ZNF277: variants seen among roughly 807,000 people sequenced by gnomAD.
ZNF277 encodes the protein zinc finger protein 277, also known as nuclear receptor-interacting factor 4.
In ZNF277, 55 loss-of-function variants were observed where a neutral mutation model predicts 60.7. The ratio of observed to expected loss-of-function variants is 0.91; its 90% confidence interval spans 0.73 to 1.13. ZNF277 has a LOEUF of 1.13. Ranked by LOEUF, ZNF277 falls within the 50% of genes most tolerant of loss-of-function variation. ZNF277 has a pLI of 0.00. For missense variants in ZNF277, 510 were observed against 523.0 expected (o/e 0.98, Z 0.24); for synonymous variants, 178 against 179.3 (o/e 0.99, Z 0.06).
chr7:112,220,478 A>C (rs1227641976), intron 1 of ZNF277, among the ~76,000 whole-genome samples: 1 of 152,176 alleles, frequency 6.6e-6, no homozygotes, highest in African/African-American at 2.4e-5. Context: ...TTTGTAAACA[A>C]AAAAAATTTA....
chr7:112,224,986 A>T (rs964075819), intron 1 of ZNF277, among the ~76,000 whole-genome samples: 14 of 152,214 alleles, frequency 9.2e-5, no homozygotes, highest in African/African-American at 3.4e-4. Context: ...CTAAAAAAGA[A>T]AATTGTAAAA....
At chr7:112,306,260 G>A (rs995188463) in intron 4 of ZNF277, among the ~76,000 whole-genome samples, 1 of 144,542 alleles carries the variant, frequency 6.9e-6, no homozygotes, top group Non-Finnish European at 1.5e-5. Flanking sequence ...TGTCACCTAG[G>A]CTGGAATGCA....
intron 1 of ZNF277, among the ~76,000 whole-genome samples, chr7:112,285,194 T>C: frequency 6.6e-6 from 1 of 151,724 alleles, no homozygotes; most frequent in Admixed American, 6.6e-5. Flanking sequence ...CACGCCCAGC[T>C]TATTTTTGTA....
intron 4 of ZNF277, among the ~76,000 whole-genome samples, chr7:112,305,442 G>A (rs1483487867): frequency 6.6e-6 from 1 of 151,622 alleles, no homozygotes; most frequent in Non-Finnish European, 1.5e-5. Context: ...CAGTGTTTTG[G>A]AAAGTAGATA....
chr7:112,281,504 T>A (rs1482958318), intron 1 of ZNF277, among the ~76,000 whole-genome samples: 1 of 152,240 alleles, frequency 6.6e-6, no homozygotes, highest in Non-Finnish European at 1.5e-5. Context: ...CATACTTTTA[T>A]TACTCTCAGC....
chr7:112,210,596 C>T (rs775977292), intron 1 of ZNF277, among the ~76,000 whole-genome samples: 2 of 151,796 alleles, frequency 1.3e-5, no homozygotes, highest in Non-Finnish European at 2.9e-5. Context: ...CACAGCCTCC[C>T]GAGTAGCTGG....
chr7:112,322,733 C>G (rs978818656), intron 5 of ZNF277, among the ~76,000 whole-genome samples: 1 of 151,994 alleles, frequency 6.6e-6, no homozygotes, highest in Non-Finnish European at 1.5e-5. Context: ...GGGGTGATTT[C>G]TGTTTCTGCT....
intron 2 of ZNF277, 120 bp from the exon 3 acceptor site, chr7:112,295,749 T>C: frequency 1.4e-6 from 1 of 730,724 alleles, no homozygotes; most frequent in Non-Finnish European, 2.3e-6. Context: ...GAAAAGCAGT[T>C]TTAAGTTAAC....
intron 10 of ZNF277, among the ~76,000 whole-genome samples, chr7:112,340,345 T>G (rs770697867): frequency 1.3e-5 from 2 of 152,164 alleles, no homozygotes; most frequent in Non-Finnish European, 2.9e-5. Context: ...GTGTACCCAA[T>G]GTATCATTCT....
intron 1 of ZNF277, among the ~76,000 whole-genome samples, chr7:112,234,037 A>G (rs1459379883): frequency 1.3e-5 from 2 of 151,990 alleles, no homozygotes; most frequent in Non-Finnish European, 1.5e-5. Context: ...GAAATATTTA[A>G]TATCTTTCAA....
At chr7:112,215,105 C>G (rs1369876090) in intron 1 of ZNF277, among the ~76,000 whole-genome samples, 2 of 152,134 alleles carry the variant, frequency 1.3e-5, no homozygotes, top group African/African-American at 4.8e-5. Flanking sequence ...GTAGCGAGTA[C>G]AAGCCCAAGC....
At chr7:112,264,653 T>A (rs1791507242) in intron 1 of ZNF277, among the ~76,000 whole-genome samples, 2 of 152,090 alleles carry the variant, frequency 1.3e-5, no homozygotes, top group Non-Finnish European at 2.9e-5. Flanking sequence ...TAAAAATATA[T>A]GTTGAAATAT....
At position 112,336,086 on chromosome 7, in the gene ZNF277, T is replaced by A; in HGVS notation, c.802-18T>A. 1.2e-6 allele frequency: 2 copies of A among 1,608,572 alleles called. No individual in the cohort carries two copies. The highest frequency in any genetic ancestry group is 1.7e-6 in the Non-Finnish European group (2 of 1,176,644). On this transcript the variant is annotated intron_variant, in intron 7 of 11. Coordinates refer to ENST00000361822, the MANE Select transcript of ZNF277 (RefSeq NM_021994.3). ...TCTTTCCCCCAATGTCTCTCATCCCTCTGTTCTTCCTACAAAGGAACTTGG... is the reference window on the plus strand; with the variant it reads ...TCTTTCCCCCAATGTCTCTCATCCCACTGTTCTTCCTACAAAGGAACTTGG...
chr7:112,294,127 G>A (rs1327430013), intron 2 of ZNF277, among the ~76,000 whole-genome samples: 1 of 152,144 alleles, frequency 6.6e-6, no homozygotes, highest in Non-Finnish European at 1.5e-5. Flanking sequence ...ATAAGAAAAG[G>A]ACTAGGAATG....
chr7:112,272,866 A>C (rs942894345), intron 1 of ZNF277, among the ~76,000 whole-genome samples: 6 of 152,182 alleles, frequency 3.9e-5, no homozygotes, highest in African/African-American at 1.4e-4. Flanking sequence ...TCCCACCAAC[A>C]GTATATGAGG....
rs568446878 is a variant in ZNF277 at position 112,256,834 on chromosome 7, TTAGAAA to T, written c.92-30034_92-30029del. Among the ~76,000 whole-genome samples the T allele has an allele frequency of 2.2e-3, 341 of 152,318 alleles. 3 individuals carry two copies. The highest frequency in any genetic ancestry group is 2.1e-3 in the Non-Finnish European group (140 of 68,030). Reference sequence around the variant, plus strand: ...GTACCATAATTTTTGTTCAGAATTGTTAGAAATAGACCATATAGAAAATCTGTTCTT... The same window carrying T: ...GTACCATAATTTTTGTTCAGAATTGTTAGACCATATAGAAAATCTGTTCTT... On this transcript the variant is annotated intron_variant, in intron 1 of 11. Transcript: ENST00000361822.
chr7:112,234,779 T>C (rs1822442675), intron 1 of ZNF277, among the ~76,000 whole-genome samples: 1 of 151,928 alleles, frequency 6.6e-6, no homozygotes, highest in Admixed American at 6.6e-5. Context: ...GTATTTATTT[T>C]ACATAGTATA....
chr7:112,307,855 A>G (rs576119557), intron 4 of ZNF277, among the ~76,000 whole-genome samples: 1 of 152,030 alleles, frequency 6.6e-6, no homozygotes, highest in Non-Finnish European at 1.5e-5. Context: ...GTTCTAAAAG[A>G]TAAATACATA....
intron 1 of ZNF277, among the ~76,000 whole-genome samples, chr7:112,261,365 GAAAT>G (rs1490781364): frequency 6.6e-6 from 1 of 152,060 alleles, no homozygotes; most frequent in East Asian, 1.9e-4. Flanking sequence ...ATTTATTTCA[GAAAT>G]AAATTTGCTA....
Sources: allele counts gnomAD v4.1 joint callset (sites outside exome capture counted in the v4.1 genomes callset), GRCh38; gene constraint gnomAD v4.1.1; transcripts MANE v1.5; gene names NCBI Gene and HGNC (gene_info 2026-07-23, HGNC 2026-07-21).